The following KLF9 variants were observed in gnomAD, a reference collection of about 807,000 sequenced individuals.
The protein encoded by KLF9 is KLF transcription factor 9.
A neutral mutation model predicts 17.3 loss-of-function variants in KLF9; 2 were observed. The observed-to-expected ratio is 0.12, with a 90% confidence interval of 0.05 to 0.36. The LOEUF is 0.36. Ranked by LOEUF, KLF9 falls within the 10% of genes least tolerant of loss-of-function variation. KLF9 has a pLI of 1.00. For synonymous variants in KLF9, 138 were observed against 139.2 expected, an observed-to-expected ratio of 0.99 and a Z score of 0.06; for missense variants, 226 against 333.2, an observed-to-expected ratio of 0.68 and a Z score of 2.51.
chr9:70,406,881 G>C (rs1339025636), intron 1 of KLF9, among the ~76,000 whole-genome samples: 3 of 144,066 alleles, frequency 2.1e-5, no homozygotes, highest in Non-Finnish European at 4.6e-5. Context: ...CAGCCAAAGG[G>C]AAAGAGAGAG....
chr9:70,400,846 CT>C (rs2037216164), intron 1 of KLF9, among the ~76,000 whole-genome samples: 1 of 152,152 alleles, frequency 6.6e-6, no homozygotes, highest in Non-Finnish European at 1.5e-5. Flanking sequence ...GAGTGAGCCA[CT>C]AAGTCACATG....
chr9:70,409,079 TATACAC>T (rs1479451894), intron 1 of KLF9, among the ~76,000 whole-genome samples: 1 of 97,182 alleles, frequency 1.0e-5, no homozygotes, highest in East Asian at 2.4e-4. Flanking sequence ...TGTGTATATA[TATACAC>T]ATATATGTAT....
chr9:70,394,446 C>G (rs1015180542), intron 1 of KLF9, among the ~76,000 whole-genome samples: 1 of 152,042 alleles, frequency 6.6e-6, no homozygotes, highest in Admixed American at 6.6e-5. Flanking sequence ...TATAAAAGAT[C>G]AGCTCTGAAA....
Position 70,403,388 on chromosome 9 carries a change from G to A in KLF9, c.505+9471C>T, listed in dbSNP as rs143891671. On this transcript the variant is annotated intron_variant, in intron 1 of 1. Coordinates refer to ENST00000377126, the MANE Select transcript of KLF9 (RefSeq NM_001206.4). ...TGCCACAGTGATTCATTTCAGGGAT[G>A]GGGCACACAATCTGAACTAGTCATG... 2.6e-5 allele frequency among the ~76,000 whole-genome samples: 4 copies of A among 152,274 alleles called. No individual in the cohort carries two copies. In the East Asian group the frequency reaches 7.7e-4, roughly 29 times the overall value.
At position 70,413,976 on chromosome 9, in the gene KLF9, T is replaced by A. The variant is rs1249267843; in HGVS notation, c.-613A>T. 1.3e-5 allele frequency: 2 copies of A among 152,682 alleles called. No individual in the cohort carries two copies. The highest frequency in any genetic ancestry group is 6.5e-5 in the Admixed American group (1 of 15,276). The allele number at this position is 152,682 out of a possible 1,614,324, so 9.5% of individuals were successfully genotyped here. On this transcript the variant is annotated 5_prime_UTR_variant, in exon 1 of 2. The change abolishes an upstream ATG in the 5' untranslated region. Coordinates refer to ENST00000377126, the MANE Select transcript of KLF9 (RefSeq NM_001206.4). The surrounding 1 kb of genome is among the most constrained non-coding windows in gnomAD (Gnocchi z 5.6). ...TCAGTAACAATTTCGCAGAATCCCA[T>A]CACGTCACAAACCAAACCCCCTCCA...
chr9:70,412,088 C>G (rs1238695874), intron 1 of KLF9, among the ~76,000 whole-genome samples: 1 of 150,878 alleles, frequency 6.6e-6, no homozygotes, highest in Admixed American at 6.7e-5. Context: ...CCTCCAGAAC[C>G]GCCCAACATT....
intron 1 of KLF9, among the ~76,000 whole-genome samples, chr9:70,398,170 T>C (rs568959637): frequency 1.3e-5 from 2 of 152,368 alleles, no homozygotes; most frequent in African/African-American, 4.8e-5. Context: ...GACCTCTCAC[T>C]GAATCCTGCT....
chr9:70,394,051 T>C (rs1286879041), intron 1 of KLF9, among the ~76,000 whole-genome samples: 2 of 145,270 alleles, frequency 1.4e-5, no homozygotes, highest in Non-Finnish European at 3.0e-5. Flanking sequence ...AAAAGAGTGG[T>C]TTCTGATTGC....
chr9:70,398,489 ATTTTTTTT>A (rs397969034), intron 1 of KLF9, among the ~76,000 whole-genome samples: 5 of 143,384 alleles, frequency 3.5e-5, no homozygotes, highest in Non-Finnish European at 6.2e-5. Context: ...AGATAACAGA[ATTTTTTTT>A]TTTTTTTTTG....
At chr9:70,395,009 C>T (rs536470527) in intron 1 of KLF9, among the ~76,000 whole-genome samples, 1 of 152,246 alleles carries the variant, frequency 6.6e-6, no homozygotes, top group Admixed American at 6.5e-5. Flanking sequence ...AATAAACATG[C>T]CCAACTTGCC....
chr9:70,404,069 G>A lies in KLF9; in HGVS notation c.505+8790C>T, dbSNP rs145858225. Among the ~76,000 whole-genome samples the A allele has an allele frequency of 3.6e-3, 548 of 152,188 alleles. 4 individuals are homozygous for A. Among genetic ancestry groups the A allele is most frequent in the African/African-American group, 0.013 (522 of 41,530 alleles). ...AAATTCCAGTGTAACCTTGAACTAC[G>A]TTAACTAACTCCCAGTCTGATTCCT... On this transcript the variant is annotated intron_variant, in intron 1 of 1. Transcript: ENST00000377126.
chr9:70,411,874 C>T (rs1325464894), intron 1 of KLF9, among the ~76,000 whole-genome samples: 1 of 152,152 alleles, frequency 6.6e-6, no homozygotes, highest in Non-Finnish European at 1.5e-5. Context: ...AAGAACCATT[C>T]CGAAGATGGT....
chr9:70,394,489 G>A (rs576359442), intron 1 of KLF9, among the ~76,000 whole-genome samples: 2 of 152,160 alleles, frequency 1.3e-5, no homozygotes, highest in Admixed American at 1.3e-4. Flanking sequence ...GTAAAATAAA[G>A]GTAGTATAAC....
At chr9:70,407,604 T>C (rs939982802) in intron 1 of KLF9, among the ~76,000 whole-genome samples, 55 of 152,330 alleles carry the variant, frequency 3.6e-4, no homozygotes, top group Middle Eastern at 3.4e-3. Context: ...AGATGGAGGA[T>C]GACACAGGAC....
At position 70,409,013 on chromosome 9, in the gene KLF9, C is replaced by CATATATGTATATAT. The variant is rs1564089081; in HGVS notation, c.505+3845_505+3846insATATATACATATAT. ...ATATATATATGTGTATATATATATACACATATATGTATATATATATATGTG... is the reference window on the plus strand; with the variant it reads ...ATATATATATGTGTATATATATATACATATATGTATATATACATATATGTATATATATATATGTG... On this transcript the variant is annotated intron_variant, in intron 1 of 1. Coordinates refer to ENST00000377126, the MANE Select transcript of KLF9 (RefSeq NM_001206.4). 3.1e-3 allele frequency among the ~76,000 whole-genome samples: 110 copies of CATATATGTATATAT among 35,866 alleles called. 1 individual carries two copies. The highest frequency in any genetic ancestry group is 0.012 in the African/African-American group (106 of 8,624). 23.5% of individuals were successfully genotyped at this position (35,866 alleles called of 152,430 possible).
In KLF9 at chr9:70,390,794, T is replaced by A. The variant is rs577539928; in HGVS notation, c.506-2789A>T. On this transcript the variant is annotated intron_variant, in intron 1 of 1. Transcript: ENST00000377126. Reference sequence around the variant, plus strand: ...TCCTCTTTAACCCCAGTGAAGCAGTTATGGGGGAAATGTTTTTCTAAACAT... The same window carrying A: ...TCCTCTTTAACCCCAGTGAAGCAGTAATGGGGGAAATGTTTTTCTAAACAT... Among the ~76,000 whole-genome samples the A allele has an allele frequency of 1.4e-4, 22 of 152,154 alleles. No individual in the cohort carries two copies. In the South Asian group the frequency reaches 4.6e-3, roughly 32 times the overall value.
chr9:70,409,148 A>G (rs186947458), intron 1 of KLF9, among the ~76,000 whole-genome samples: 3,821 of 59,660 alleles, frequency 0.064, 298 homozygotes, highest in Non-Finnish European at 0.13. Flanking sequence ...ATATATGTAT[A>G]TGTATATATA....
chr9:70,404,688 G>A (rs1201607966), intron 1 of KLF9, among the ~76,000 whole-genome samples: 1 of 152,076 alleles, frequency 6.6e-6, no homozygotes, highest in East Asian at 1.9e-4. Context: ...AAAAATTCTA[G>A]GAATCAAGGG....
intron 1 of KLF9, among the ~76,000 whole-genome samples, chr9:70,390,014 T>C (rs2037142534): frequency 6.6e-6 from 1 of 152,192 alleles, no homozygotes; most frequent in African/African-American, 2.4e-5. Flanking sequence ...ATTTGAGTCA[T>C]CCAAAATTAT....
Sources: gnomAD v4.1 joint callset for allele counts (sites outside exome capture counted in the v4.1 genomes callset) on GRCh38, gnomAD v4.1.1 for gene constraint, Gnocchi (gnomAD v3.1) non-coding constraint, MANE v1.5 for transcripts, NCBI Gene and HGNC (gene_info 2026-07-23, HGNC 2026-07-21) for gene names.